Variants in DHRSX observed in about 807,000 individuals in gnomAD.
The protein encoded by DHRSX is polyprenol dehydrogenase.
A neutral mutation model predicts 34.0 loss-of-function variants in DHRSX; 31 were observed. That is an observed-to-expected ratio of 0.91 (90% CI 0.69 to 1.23). DHRSX has a LOEUF of 1.23. DHRSX is among the 50% of genes most tolerant of loss of function. The pLI is 0.00. For synonymous variants in DHRSX, 201 were observed against 183.8 expected (o/e 1.09, Z -0.76); for missense variants, 414 against 428.1 (o/e 0.97, Z 0.29).
At chrX:2,399,101 G>A (rs1224572386) in intron 3 of DHRSX, among the ~76,000 whole-genome samples, 2 of 148,590 alleles carry the variant, frequency 1.3e-5, no homozygotes, top group Non-Finnish European at 3.0e-5. Context: ...TGATCTGCCC[G>A]CCTCGGCCAT....
chrX:2,241,515 G>A (rs2016140851), intron 6 of DHRSX, among the ~76,000 whole-genome samples: 1 of 152,086 alleles, frequency 6.6e-6, no homozygotes, highest in African/African-American at 2.4e-5. Context: ...CATCGCGGAG[G>A]AAAGACTGAT....
intron 1 of DHRSX, among the ~76,000 whole-genome samples, chrX:2,493,531 T>A (rs1482716095): frequency 6.6e-6 from 1 of 151,704 alleles, no homozygotes; most frequent in Non-Finnish European, 1.5e-5. Flanking sequence ...AGGTTTCAAT[T>A]CCATTATTAT....
At chrX:2,499,980 G>A (rs2045375903) in intron 1 of DHRSX, among the ~76,000 whole-genome samples, 1 of 152,246 alleles carries the variant, frequency 6.6e-6, no homozygotes, top group Non-Finnish European at 1.5e-5. Context: ...GAGTTCGAGA[G>A]TAGCCTCGGC....
At chrX:2,444,455 C>A (rs746848991) in intron 1 of DHRSX, among the ~76,000 whole-genome samples, 108 of 152,278 alleles carry the variant, frequency 7.1e-4, no homozygotes, top group African/African-American at 2.1e-3. Context: ...CAACAGCAAA[C>A]CATGCAGGTG....
chrX:2,481,906 C>T (rs1445215818), intron 1 of DHRSX, among the ~76,000 whole-genome samples: 1 of 152,136 alleles, frequency 6.6e-6, no homozygotes, highest in Non-Finnish European at 1.5e-5. Context: ...AATAGCCCAG[C>T]TGGGAAGAAA....
At chrX:2,399,725 C>CAAAAAAAAAA (rs779558142) in intron 3 of DHRSX, among the ~76,000 whole-genome samples, 107 of 34,924 alleles carry the variant, frequency 3.1e-3, no homozygotes, top group African/African-American at 4.5e-3. Flanking sequence ...AAACAAAAAG[C>CAAAAAAAAAA]AAAAAAAAAA....
chrX:2,485,789 A>AGAAGGGAGGGAAGGAAG (rs2044895749), intron 1 of DHRSX, among the ~76,000 whole-genome samples: 3 of 25,722 alleles, frequency 1.2e-4, no homozygotes, highest in Non-Finnish European at 1.3e-4. Context: ...GAAAAGGGAG[A>AGAAGGGAGGGAAGGAAG]GAAGGGAGAG....
intron 1 of DHRSX, among the ~76,000 whole-genome samples, chrX:2,446,382 G>C (rs937596064): frequency 6.6e-6 from 1 of 151,976 alleles, no homozygotes; most frequent in Non-Finnish European, 1.5e-5. Flanking sequence ...ATGTGGCCAA[G>C]GGACCGCCAC....
At chrX:2,438,976 C>T (rs2044030898) in intron 1 of DHRSX, among the ~76,000 whole-genome samples, 1 of 151,834 alleles carries the variant, frequency 6.6e-6, no homozygotes, top group Non-Finnish European at 1.5e-5. Flanking sequence ...AAAACCCTGT[C>T]TCTACTAAAA....
chrX:2,473,762 T>C (rs1322439249), intron 1 of DHRSX, among the ~76,000 whole-genome samples: 1 of 139,624 alleles, frequency 7.2e-6, no homozygotes. Context: ...TACACGAATA[T>C]AGAGAAACAC....
intron 3 of DHRSX, among the ~76,000 whole-genome samples, chrX:2,295,397 G>T (rs1426384863): frequency 1.3e-5 from 2 of 151,898 alleles, no homozygotes; most frequent in Admixed American, 1.3e-4. Flanking sequence ...GACACAGGGA[G>T]GGGAACATCA....
At chrX:2,296,425 G>A (rs922395724) in intron 3 of DHRSX, among the ~76,000 whole-genome samples, 28 of 152,192 alleles carry the variant, frequency 1.8e-4, no homozygotes, top group African/African-American at 6.8e-4. Context: ...AAGCAAAAAT[G>A]TGTCCTCAGA....
At chrX:2,405,875 T>A (rs1418192309) in intron 3 of DHRSX, among the ~76,000 whole-genome samples, 1 of 147,306 alleles carries the variant, frequency 6.8e-6, no homozygotes, top group Non-Finnish European at 1.5e-5. Flanking sequence ...CATCTCAAAT[T>A]CAAACAGCCA....
At chrX:2,300,081 CCTT>C (rs1402009748) in intron 3 of DHRSX, among the ~76,000 whole-genome samples, 1 of 152,104 alleles carries the variant, frequency 6.6e-6, no homozygotes. Flanking sequence ...CTGAATTACC[CCTT>C]CTTCTTTGCG....
chrX:2,292,700 T>C (rs1240993638), intron 3 of DHRSX, among the ~76,000 whole-genome samples: 3 of 152,186 alleles, frequency 2.0e-5, no homozygotes, highest in Non-Finnish European at 4.4e-5. Context: ...ACAGGGCATA[T>C]GTAACTAATA....
intron 3 of DHRSX, among the ~76,000 whole-genome samples, chrX:2,369,944 G>A (rs931930158): frequency 2.6e-5 from 4 of 151,716 alleles, no homozygotes; most frequent in South Asian, 2.1e-4. Flanking sequence ...TGCCCGGCCC[G>A]GACTCCCCTA....
chrX:2,464,995 T>G (rs1308392305), intron 1 of DHRSX, among the ~76,000 whole-genome samples: 1 of 151,534 alleles, frequency 6.6e-6, no homozygotes, highest in Non-Finnish European at 1.5e-5. Flanking sequence ...ACCCCCGCCA[T>G]GTACACACTG....
rs768340066 is a variant in DHRSX at position 2,500,908 on chromosome X, C to G, written c.18G>C (p.Ala6=). 1 of 1,117,942 alleles carries G rather than the reference C, an allele frequency of 8.9e-7. No homozygotes were observed. Among genetic ancestry groups the G allele is most frequent in the South Asian group, 3.4e-5 (1 of 29,106 alleles). The allele number at this position is 1,117,942 out of a possible 1,614,324, so 69.3% of individuals were successfully genotyped here. The change falls in exon 1 of 7, where the codon GCG becomes GCC. Residue 6 remains alanine (A), a synonymous_variant. Coordinates refer to ENST00000334651, the MANE Select transcript of DHRSX (RefSeq NM_145177.3). MSPLS[A]ARAALRVYAV... Reference sequence around the variant, plus strand: ...CGTAGACCCGCAGGGCCGCCCGCGCCGCAGACAATGGCGACATGGCTGCCC... The same window carrying G: ...CGTAGACCCGCAGGGCCGCCCGCGCGGCAGACAATGGCGACATGGCTGCCC...
At chrX:2,457,976 G>A (rs2044333125) in intron 1 of DHRSX, among the ~76,000 whole-genome samples, 1 of 151,426 alleles carries the variant, frequency 6.6e-6, no homozygotes, top group African/African-American at 2.4e-5. Context: ...TGTGGCTAAG[G>A]GACCACCGCA....
Sources: allele counts gnomAD v4.1 joint callset (sites outside exome capture counted in the v4.1 genomes callset), GRCh38; gene constraint gnomAD v4.1.1; transcripts MANE v1.5; gene names NCBI Gene and HGNC (gene_info 2026-07-23, HGNC 2026-07-21).